Variants in ATRIP observed in about 807,000 individuals in gnomAD.
ATRIP encodes ATR-interacting protein.
Under a neutral mutation model 78.1 loss-of-function variants are expected in ATRIP, and 44 were observed. That is an observed-to-expected ratio of 0.56 (90% CI 0.44 to 0.72). The LOEUF is 0.72. ATRIP is among the 30% of genes least tolerant of loss of function. The pLI is 0.00. For synonymous variants in ATRIP, 388 were observed against 408.9 expected (o/e 0.95, Z 0.62); for missense variants, 927 against 980.2 (o/e 0.95, Z 0.72).
At chr3:48,457,476 AATT>A (rs1436746602) in intron 5 of ATRIP, 60 bp downstream of exon 5, 12 of 1,291,150 alleles carry the variant, frequency 9.3e-6, no homozygotes, top group African/African-American at 6.2e-5. Flanking sequence ...GGCTTAAAAC[AATT>A]ATTATTTATT....
chr3:48,454,880 T>A (rs2039916889), intron 4 of ATRIP, among the ~76,000 whole-genome samples: 3 of 151,748 alleles, frequency 2.0e-5, no homozygotes, highest in Admixed American at 6.6e-5. Flanking sequence ...CTTTTTTTTT[T>A]GAGACAGAGT....
chr3:48,466,347 G>A lies in ATRIP; in HGVS notation c.*793G>A. 1 of 1,104,696 alleles carries A rather than the reference G, an allele frequency of 9.1e-7. No homozygotes were observed. Among genetic ancestry groups the A allele is most frequent in the Non-Finnish European group, 1.3e-6 (1 of 742,218 alleles). The allele number at this position is 1,104,696 out of a possible 1,614,324, so 68.4% of individuals were successfully genotyped here. A position where few individuals can be genotyped will look rare whatever the true frequency, so the allele number is the denominator to read the frequency against. On this transcript the variant is annotated 3_prime_UTR_variant, in exon 13 of 13. Coordinates refer to ENST00000320211, the MANE Select transcript of ATRIP (RefSeq NM_130384.3). The stretch of plus-strand genomic sequence containing the variant: ...CCCACAATGGGATGGCGCAGGGCAG[G>A]AGGGCCATGGGTTCCCCCACCCCAG...
rs930900887 is a variant in ATRIP, at chr3:48,465,760, T to C, written c.*206T>C. 3 of 548,492 alleles carry C rather than the reference T, an allele frequency of 5.5e-6. No individual in the cohort carries two copies. In the African/African-American group the frequency reaches 5.7e-5, roughly 10 times the overall value. 34.0% of individuals were successfully genotyped at this position (548,492 alleles called of 1,614,324 possible). ...CCTTCTTCCTGTCCCTGGCTGTTGC[T>C]GAGCCCGTCCCCATGGTAACTGATC... On this transcript the variant is annotated 3_prime_UTR_variant, in exon 13 of 13. Transcript: ENST00000320211.
intron 3 of ATRIP, 79 bp downstream of exon 3, chr3:48,451,978 A>T: frequency 7.3e-7 from 1 of 1,362,916 alleles, no homozygotes; most frequent in Non-Finnish European, 1.0e-6. Context: ...TAAATCTTCC[A>T]GGGAGATTTC....
At chr3:48,449,947 A>C in intron 1 of ATRIP, 90 bp from the exon 2 acceptor site, 1 of 1,360,076 alleles carries the variant, frequency 7.4e-7, no homozygotes, top group South Asian at 1.4e-5. Flanking sequence ...CAAAAAAGAA[A>C]AAAAAAAAAA....
rs1050710147 is a variant in ATRIP at position 48,460,131 on chromosome 3, C to A, written c.1077C>A (p.Gly359=). ...CCAGTACCTTGGCTGGAATGTCAGG[C>A]CTCAGGACCACAGGTTCTTATGATG... ...GFGSTLAGMS[G]LRTTGSYDGS... The change falls in exon 8 of 13, where the codon GGC becomes GGA. Residue 359 remains glycine (G), a synonymous_variant. Coordinates refer to ENST00000320211, the MANE Select transcript of ATRIP (RefSeq NM_130384.3). 6.2e-7 allele frequency: 1 copy of A among 1,612,398 alleles called. No individual in the cohort carries two copies. Among genetic ancestry groups the A allele is most frequent in the Non-Finnish European group, 8.5e-7 (1 of 1,179,382 alleles).
rs567575791 is a variant in ATRIP, at chr3:48,462,167, A to ATT, written c.1745+1380_1745+1381dup. 5.6e-3 allele frequency among the ~76,000 whole-genome samples: 827 copies of ATT among 146,904 alleles called. 6 individuals are homozygous for ATT. The highest frequency in any genetic ancestry group is 0.02 in the African/African-American group (791 of 40,350). On this transcript the variant is annotated intron_variant, in intron 8 of 12. Transcript: ENST00000320211. Reference sequence around the variant, plus strand: ...ACAAAGCAAGACTCCCAGCTCTACAATTTTTTTTTTTTTAATTAGCCAGGC... The same window carrying ATT: ...ACAAAGCAAGACTCCCAGCTCTACAATTTTTTTTTTTTTTTAATTAGCCAGGC...
intron 1 of ATRIP, chr3:48,447,519 A>T (rs1377472539): frequency 3.2e-5 from 32 of 990,178 alleles, no homozygotes; most frequent in Non-Finnish European, 3.7e-5. Context: ...GGAGCCAGAC[A>T]CAGGCAAGAG....
chr3:48,449,413 C>CAA (rs1297709851), intron 1 of ATRIP, among the ~76,000 whole-genome samples: 28,533 of 59,370 alleles, frequency 0.48, 6,830 homozygotes, highest in East Asian at 0.6. Context: ...GACTCTGTCT[C>CAA]AAAAAAAAAA....
Position 48,467,375 on chromosome 3 carries a change from G to A in ATRIP, c.*1821G>A, listed in dbSNP as rs72556555. On this transcript the variant is annotated 3_prime_UTR_variant, in exon 13 of 13. Coordinates refer to ENST00000320211, the MANE Select transcript of ATRIP (RefSeq NM_130384.3). ...TGTATGGGGTCACAGCCTCTGCTAG[G>A]ACCAAGCCAAGACCATCTGCTGTCA... 25 of 1,614,038 alleles carry A rather than the reference G, an allele frequency of 1.5e-5. No individual in the cohort carries two copies. The highest frequency in any genetic ancestry group is 2.2e-5 in the East Asian group (1 of 44,904).
At chr3:48,460,879 T>C (rs2040087067) in intron 8 of ATRIP, 80 bp downstream of exon 8, 1 of 1,351,956 alleles carries the variant, frequency 7.4e-7, no homozygotes, top group Non-Finnish European at 1.0e-6. Context: ...ACTTGTACTT[T>C]GCTCACATCT....
chr3:48,460,011 GGGCAGGCAGCCTGGAGAATTT>G, intron 7 of ATRIP, 78 bp from the exon 8 acceptor site: 1 of 1,555,188 alleles, frequency 6.4e-7, no homozygotes, highest in Non-Finnish European at 8.7e-7. Context: ...TCTGTGGGAA[GGGCAGGCAGCCTGGAGAATTT>G]GGCAGGCAGG....
At chr3:48,447,409 C>T (rs1257619659) in intron 1 of ATRIP, 3 of 1,053,334 alleles carry the variant, frequency 2.8e-6, no homozygotes, top group Non-Finnish European at 3.4e-6. Context: ...ACCATCAGAA[C>T]CATCACTACC....
rs957450609 is a variant in ATRIP at position 48,465,853 on chromosome 3, T to C, written c.*299T>C. The C allele has an allele frequency of 4.0e-5, 14 of 352,170 alleles. No homozygotes were observed. Among genetic ancestry groups the C allele is most frequent in the Non-Finnish European group, 5.4e-5 (10 of 184,970 alleles). The allele number at this position is 352,170 out of a possible 1,614,324, so 21.8% of individuals were successfully genotyped here. A position where few individuals can be genotyped will look rare whatever the true frequency, so the allele number is the denominator to read the frequency against. On this transcript the variant is annotated 3_prime_UTR_variant, in exon 13 of 13. Coordinates refer to ENST00000320211, the MANE Select transcript of ATRIP (RefSeq NM_130384.3). ...GAGTCATTGCTTTGGGCTGGGGCCA[T>C]GGGAAGAAACCATTGTGTGGCAGGG...
At chr3:48,459,333 T>A (rs767310511) in intron 5 of ATRIP, 26 bp from the exon 6 acceptor site, 3 of 1,597,176 alleles carry the variant, frequency 1.9e-6, no homozygotes, top group Non-Finnish European at 2.6e-6. Flanking sequence ...GGCTCAAGTT[T>A]TGATTTACAT....
chr3:48,460,634 G>A lies in ATRIP; in HGVS notation c.1580G>A (p.Arg527Lys). The A allele has an allele frequency of 1.2e-6, 2 of 1,614,162 alleles. No homozygotes were observed. The highest frequency in any genetic ancestry group is 1.7e-6 in the Non-Finnish European group (2 of 1,179,996). ...GATGGAGATATGACCTCAGCCCTAA[G>A]GGGGGTTGCTGATGACCAAGGACAG... is the stretch of plus-strand genomic sequence containing the variant. ...LSDGDMTSAL[R>K]GVADDQGQHP... is the part of the protein sequence containing the mutation. Residue 527 changes from arginine to lysine, a missense_variant, in exon 8 of 13, where the codon AGG becomes AAG. Physicochemically the swap from Arg to Lys is conservative, Grantham distance 26. Coordinates refer to ENST00000320211, the MANE Select transcript of ATRIP (RefSeq NM_130384.3).
Position 48,447,027 on chromosome 3 carries a change from A to ATATGT in ATRIP, c.182_183insTATGT (p.Glu61AspfsTer13). ...GGGGACTTCACTGCCGACGACCTGG[A>ATATGT]GGAGCTTGACACCCTCGCGTCACAG... On this transcript the variant is annotated frameshift_variant, in exon 1 of 13. Coordinates refer to ENST00000320211, the MANE Select transcript of ATRIP (RefSeq NM_130384.3). LOFTEE classifies it high-confidence loss of function. 6.4e-7 allele frequency: 1 copy of ATATGT among 1,571,790 alleles called. No homozygotes were observed. The highest frequency in any genetic ancestry group is 1.8e-5 in the Admixed American group (1 of 54,596).
chr3:48,460,433 T>A lies in ATRIP; in HGVS notation c.1379T>A (p.Val460Glu). The change falls in exon 8 of 13, where the codon GTA becomes GAA. Residue 460 changes from valine (V) to glutamate (E), a missense_variant. Coordinates refer to ENST00000320211, the MANE Select transcript of ATRIP (RefSeq NM_130384.3). ...PTHSSCVSSGVETNPEDSVCI... is the reference protein window; with the variant it reads ...PTHSSCVSSGEETNPEDSVCI... ...CATTCCTCCTGCGTGAGCTCTGGGG[T>A]AGAGACCAACCCTGAGGACTCAGTG... The A allele has an allele frequency of 6.2e-7, 1 of 1,612,440 alleles. No homozygotes were observed. Among genetic ancestry groups the A allele is most frequent in the Non-Finnish European group, 8.5e-7 (1 of 1,179,176 alleles).
At chr3:48,455,161 C>T (rs529999861) in intron 4 of ATRIP, among the ~76,000 whole-genome samples, 101 of 152,292 alleles carry the variant, frequency 6.6e-4, no homozygotes, top group Middle Eastern at 3.4e-3. Context: ...CTGTGCCTGG[C>T]GCAGCCTGGA....
Sources: allele counts gnomAD v4.1 joint callset (sites outside exome capture counted in the v4.1 genomes callset), GRCh38; gene constraint gnomAD v4.1.1; transcripts MANE v1.5; gene names NCBI Gene and HGNC (gene_info 2026-07-23, HGNC 2026-07-21).